MEGF11: variants seen among roughly 807,000 people sequenced by gnomAD.
The protein encoded by MEGF11 is multiple epidermal growth factor-like domains protein 11.
A neutral mutation model predicts 146.6 loss-of-function variants in MEGF11; 126 were observed. The ratio of observed to expected loss-of-function variants is 0.86; its 90% CI spans 0.74 to 1.00. The LOEUF is 1.00. MEGF11 is among the 50% of genes least tolerant of loss of function. The pLI is 0.00. For synonymous variants in MEGF11, 532 were observed against 583.4 expected, an observed-to-expected ratio of 0.91 and a Z score of 1.27; for missense variants, 1,509 against 1,521.2, an observed-to-expected ratio of 0.99 and a Z score of 0.13.
At chr15:66,070,504 A>G (rs950963421) in intron 5 of MEGF11, among the ~76,000 whole-genome samples, 1 of 152,222 alleles carries the variant, frequency 6.6e-6, no homozygotes, top group South Asian at 2.1e-4. Context: ...AGCAAAAATG[A>G]TGTTCAACAA....
intron 5 of MEGF11, among the ~76,000 whole-genome samples, chr15:66,003,632 G>C (rs1236961183): frequency 1.3e-5 from 2 of 152,022 alleles, no homozygotes; most frequent in African/African-American, 2.4e-5. Flanking sequence ...CCCCACCTCT[G>C]CCCACCCCAG....
intron 1 of MEGF11, among the ~76,000 whole-genome samples, chr15:66,198,889 C>T (rs4776287): frequency 0.4 from 60,325 of 152,082 alleles, 12,414 homozygotes; most frequent in East Asian, 0.59. Flanking sequence ...GCTGGGATTA[C>T]AGGCATGAGC....
intron 20 of MEGF11, 64 bp from the exon 21 acceptor site, chr15:65,912,264 T>C (rs1438394042): frequency 2.0e-6 from 2 of 978,298 alleles, no homozygotes; most frequent in African/African-American, 3.4e-5. Context: ...ATACCCCCAG[T>C]ACTAATGCTT....
At chr15:65,959,776 CAAAT>C (rs771311200) in intron 9 of MEGF11, among the ~76,000 whole-genome samples, 5 of 152,148 alleles carry the variant, frequency 3.3e-5, no homozygotes, top group Non-Finnish European at 5.9e-5. Context: ...TTCTAATCGT[CAAAT>C]AAGCCTGTGA....
At chr15:66,170,980 C>T (rs763845005) in intron 1 of MEGF11, among the ~76,000 whole-genome samples, 12 of 152,228 alleles carry the variant, frequency 7.9e-5, no homozygotes, top group East Asian at 1.9e-4. Flanking sequence ...ATGGATGTGA[C>T]GCCATGTCCT....
rs1472053329 is a variant in MEGF11 at position 65,982,024 on chromosome 15, T to A, written c.641+218A>T. 6.6e-6 allele frequency among the ~76,000 whole-genome samples: 1 copy of A among 152,128 alleles called. No homozygotes were observed. Among genetic ancestry groups the A allele is most frequent in the Non-Finnish European group, 1.5e-5 (1 of 68,006 alleles). On this transcript the variant is annotated intron_variant, in intron 6 of 25. Coordinates refer to ENST00000395614, the MANE Select transcript of MEGF11 (RefSeq NM_001385028.1). This position sits in a 1 kb window ranked among gnomAD's most constrained non-coding sequence, Gnocchi z 5.6. ...GACCTGCGTGGGTGAGGCCTGGGCA[T>A]TTAGACTCACAGGAGATTTCACAGC...
intron 4 of MEGF11, among the ~76,000 whole-genome samples, chr15:66,099,894 G>T (rs1219970221): frequency 1.3e-5 from 2 of 152,120 alleles, no homozygotes; most frequent in Non-Finnish European, 2.9e-5. Flanking sequence ...AGAAGGGCTG[G>T]GACTGGGAGT....
intron 9 of MEGF11, among the ~76,000 whole-genome samples, chr15:65,963,482 C>A (rs575998621): frequency 2.0e-4 from 30 of 151,936 alleles, no homozygotes; most frequent in African/African-American, 6.8e-4. Flanking sequence ...ATTCATATCT[C>A]TGATATTGGC....
At chr15:65,985,530 C>T (rs774084432) in intron 5 of MEGF11, among the ~76,000 whole-genome samples, 6 of 152,144 alleles carry the variant, frequency 3.9e-5, no homozygotes, top group Admixed American at 1.3e-4. Flanking sequence ...AGTTTGTTCT[C>T]GGTGCATCGC....
At chr15:66,098,942 C>T (rs554403761) in intron 4 of MEGF11, among the ~76,000 whole-genome samples, 1 of 152,330 alleles carries the variant, frequency 6.6e-6, no homozygotes, top group African/African-American at 2.4e-5. Context: ...CAGTCCCCTC[C>T]ATAGCCAGGA....
At chr15:66,093,471 G>A (rs1205148111) in intron 5 of MEGF11, among the ~76,000 whole-genome samples, 1 of 152,150 alleles carries the variant, frequency 6.6e-6, no homozygotes, top group Admixed American at 6.5e-5. Flanking sequence ...CGAATAATCG[G>A]GCTTAGATCC....
At chr15:66,201,085 A>T (rs1206415504) in intron 1 of MEGF11, among the ~76,000 whole-genome samples, 1 of 152,122 alleles carries the variant, frequency 6.6e-6, no homozygotes, top group Non-Finnish European at 1.5e-5. Flanking sequence ...TCATAAGGAA[A>T]GGGTCTCCAA....
chr15:66,234,794 C>T (rs746805471), intron 1 of MEGF11, among the ~76,000 whole-genome samples: 1 of 152,148 alleles, frequency 6.6e-6, no homozygotes, highest in Non-Finnish European at 1.5e-5. Context: ...ATGAAGCAGT[C>T]GGTTCAGGAT....
At chr15:66,084,540 C>T (rs895164977) in intron 5 of MEGF11, among the ~76,000 whole-genome samples, 1 of 152,134 alleles carries the variant, frequency 6.6e-6, no homozygotes, top group Non-Finnish European at 1.5e-5. Flanking sequence ...CACACCCCCC[C>T]ACTGGAGAGG....
intron 1 of MEGF11, among the ~76,000 whole-genome samples, chr15:66,161,838 C>A (rs1298022354): frequency 6.6e-6 from 1 of 152,170 alleles, no homozygotes; most frequent in Non-Finnish European, 1.5e-5. Context: ...CCTCACGGAG[C>A]AGCAAGCCAG....
intron 1 of MEGF11, among the ~76,000 whole-genome samples, chr15:66,239,371 A>G (rs1475943238): frequency 6.6e-6 from 1 of 152,214 alleles, no homozygotes; most frequent in Non-Finnish European, 1.5e-5. Flanking sequence ...TCATGTCATT[A>G]CTGAACACTG....
intron 1 of MEGF11, among the ~76,000 whole-genome samples, chr15:66,143,637 C>T (rs903555591): frequency 7.2e-5 from 11 of 152,166 alleles, no homozygotes; most frequent in Non-Finnish European, 1.0e-4. Flanking sequence ...GGAAAGCTTC[C>T]GGAAGTTGAC....
intron 5 of MEGF11, among the ~76,000 whole-genome samples, chr15:66,043,909 T>C (rs1276123875): frequency 1.3e-5 from 2 of 152,002 alleles, no homozygotes; most frequent in Non-Finnish European, 2.9e-5. Context: ...GGAAAGGGAG[T>C]GGGGTAATCA....
chr15:66,087,083 A>G (rs1376120166), intron 5 of MEGF11, among the ~76,000 whole-genome samples: 2 of 152,248 alleles, frequency 1.3e-5, no homozygotes, highest in Non-Finnish European at 2.9e-5. Context: ...AAAGAGGGAT[A>G]TTATACAATG....
Sources: allele counts gnomAD v4.1 joint callset (sites outside exome capture counted in the v4.1 genomes callset), GRCh38; gene constraint gnomAD v4.1.1; non-coding constraint Gnocchi (gnomAD v3.1); transcripts MANE v1.5; gene names NCBI Gene and HGNC (gene_info 2026-07-23, HGNC 2026-07-21).